The following TMEM131 variants were observed in gnomAD, a reference collection of about 807,000 sequenced individuals.
The protein encoded by TMEM131 is transmembrane protein 131.
In TMEM131, 66 loss-of-function variants were observed where a neutral mutation model predicts 211.6. The observed-to-expected ratio is 0.31, with a 90% CI of 0.26 to 0.38. The LOEUF (loss-of-function observed/expected upper bound fraction) is 0.38. Among genes scored for constraint, TMEM131 ranks in the 10% least tolerant of loss-of-function variants. TMEM131 has a pLI of 1.00. For synonymous variants in TMEM131, 844 were observed against 841.3 expected (o/e 1.00, Z -0.06); for missense variants, 2,036 against 2,299.3 (o/e 0.89, Z 2.34).
intron 38 of TMEM131, chr2:97,760,052 A>G: frequency 2.9e-6 from 1 of 342,108 alleles, no homozygotes; most frequent in Non-Finnish European, 5.5e-6. Flanking sequence ...TTATTTAAAA[A>G]CTATTTCAAA....
chr2:97,783,251 C>T (rs1447820896), intron 31 of TMEM131, among the ~76,000 whole-genome samples: 1 of 152,046 alleles, frequency 6.6e-6, no homozygotes. Flanking sequence ...CAGACATTCT[C>T]AGATGAAACA....
chr2:97,873,078 T>C (rs927150803), intron 4 of TMEM131, among the ~76,000 whole-genome samples: 5 of 152,224 alleles, frequency 3.3e-5, no homozygotes, highest in African/African-American at 9.6e-5. Flanking sequence ...CGTCCGCCAT[T>C]GCTAAGGCTT....
At chr2:97,777,338 T>C (rs1280986656) in intron 31 of TMEM131, among the ~76,000 whole-genome samples, 1 of 152,252 alleles carries the variant, frequency 6.6e-6, no homozygotes, top group Non-Finnish European at 1.5e-5. Context: ...GTTTTAGGCG[T>C]TATCCCAGAG....
At chr2:97,858,632 G>A (rs1673939234) in intron 5 of TMEM131, among the ~76,000 whole-genome samples, 1 of 152,126 alleles carries the variant, frequency 6.6e-6, no homozygotes, top group Non-Finnish European at 1.5e-5. Flanking sequence ...CTCACTGGAG[G>A]CAGAAGAGGA....
intron 40 of TMEM131, among the ~76,000 whole-genome samples, chr2:97,757,998 G>A (rs1255320027): frequency 6.6e-6 from 1 of 152,174 alleles, no homozygotes; most frequent in South Asian, 2.1e-4. Context: ...CGGGTGTGGT[G>A]GTGGGCGCCT....
At chr2:97,905,479 A>G (rs1481887064) in intron 3 of TMEM131, among the ~76,000 whole-genome samples, 2 of 152,086 alleles carry the variant, frequency 1.3e-5, no homozygotes, top group Non-Finnish European at 2.9e-5. Flanking sequence ...CCCTCTCCCA[A>G]TTCCTAGGAA....
chr2:97,991,277 C>A (rs2104682830), intron 1 of TMEM131, among the ~76,000 whole-genome samples: 1 of 152,164 alleles, frequency 6.6e-6, no homozygotes, highest in African/African-American at 2.4e-5. Flanking sequence ...AATTAGGTGT[C>A]AAAATGAATG....
At chr2:97,843,289 T>G (rs1683285013) in intron 6 of TMEM131, among the ~76,000 whole-genome samples, 1 of 152,172 alleles carries the variant, frequency 6.6e-6, no homozygotes, top group Non-Finnish European at 1.5e-5. Context: ...TAGAAGGGCA[T>G]GTATAGTACA....
chr2:97,966,032 T>C (rs1178380559), intron 1 of TMEM131, among the ~76,000 whole-genome samples: 1 of 151,866 alleles, frequency 6.6e-6, no homozygotes, highest in Admixed American at 6.6e-5. Flanking sequence ...AAAGCAATTT[T>C]TTAAAAAAAA....
chr2:97,980,564 T>C lies in TMEM131; in HGVS notation c.187+14912A>G, dbSNP rs528824154. Among the ~76,000 whole-genome samples, 3 of 152,320 alleles carry C rather than the reference T, an allele frequency of 2.0e-5. No homozygotes were observed. The East Asian group carries it at 5.8e-4, about 29-fold the overall frequency. The stretch of plus-strand genomic sequence containing the variant: ...CCATAGGATCCAGACATTCCACTCA[T>C]ATGTACTTACCTGAGAGAAAATAAA... On this transcript the variant is annotated intron_variant, in intron 1 of 40. Coordinates refer to ENST00000186436, the MANE Select transcript of TMEM131 (RefSeq NM_015348.2).
chr2:97,812,484 A>G lies in TMEM131; in HGVS notation c.1800T>C (p.Asn600=), dbSNP rs772490424. Residue 600 remains asparagine, a synonymous_variant, in exon 17 of 41, where the codon AAT becomes AAC. Coordinates refer to ENST00000186436, the MANE Select transcript of TMEM131 (RefSeq NM_015348.2). ...GCAGGCTTGAAATTATTGTAGTTCT[A>G]TTGCCTCTTTCCACAGCTACAAGTT... ...SIELVAVERG[N]RTTIISSLPE... is the part of the protein sequence containing the mutation. 3 of 1,613,158 alleles carry G rather than the reference A, an allele frequency of 1.9e-6. No individual in the cohort carries two copies. Among genetic ancestry groups the G allele is most frequent in the Admixed American group, 3.3e-5 (2 of 59,904 alleles).
rs1005395003 is a variant in TMEM131, at chr2:97,810,181, C to CT, written c.1969-408dup. Among the ~76,000 whole-genome samples, 106 of 151,094 alleles carry CT rather than the reference C, an allele frequency of 7.0e-4. 1 individual carries two copies. Among genetic ancestry groups the CT allele is most frequent in the African/African-American group, 2.1e-3 (87 of 41,232 alleles). On this transcript the variant is annotated intron_variant, in intron 18 of 40. Transcript: ENST00000186436. ...ATCCAGCATATCTAGAGTTATATAG[C>CT]TTTTTTTTTGATACAGAAATAGACA... is the stretch of plus-strand genomic sequence containing the variant.
At chr2:97,793,831 A>G (rs1285473037) in intron 29 of TMEM131, among the ~76,000 whole-genome samples, 3 of 151,468 alleles carry the variant, frequency 2.0e-5, no homozygotes, top group Non-Finnish European at 4.4e-5. Flanking sequence ...CGTCTCTACT[A>G]AAAATACAAA....
At chr2:97,827,422 A>G in intron 11 of TMEM131, 1 of 1,052,516 alleles carries the variant, frequency 9.5e-7, no homozygotes, top group South Asian at 1.3e-5. Context: ...AAGGGGAGCA[A>G]AGGGAAAACA....
intron 2 of TMEM131, among the ~76,000 whole-genome samples, chr2:97,913,510 G>A (rs746432258): frequency 2.0e-5 from 3 of 152,060 alleles, no homozygotes; most frequent in Non-Finnish European, 2.9e-5. Flanking sequence ...CAAATCCTTC[G>A]ATCTGGTCTA....
In TMEM131 at chr2:97,916,195, C is replaced by T. The variant is rs1395580491; in HGVS notation, c.250-7497G>A. Among the ~76,000 whole-genome samples the T allele has an allele frequency of 2.0e-5, 3 of 152,318 alleles. No individual in the cohort carries two copies. The East Asian group carries it at 5.8e-4, about 29-fold the overall frequency. ...CCTCCCAAAGTACTGGGATTATAGG[C>T]GTGGGCCACGGCACCCAGCCTTAAG... On this transcript the variant is annotated intron_variant, in intron 2 of 40. Transcript: ENST00000186436.
intron 15 of TMEM131, 83 bp downstream of exon 15, chr2:97,813,885 CGTA>C: frequency 9.3e-7 from 1 of 1,079,104 alleles, no homozygotes; most frequent in Non-Finnish European, 1.3e-6. Context: ...AATGGCAAAC[CGTA>C]TGTAACACGA....
intron 25 of TMEM131, among the ~76,000 whole-genome samples, chr2:97,800,041 GTTTA>G (rs779711543): frequency 3.9e-5 from 6 of 152,060 alleles, no homozygotes; most frequent in African/African-American, 7.2e-5. Flanking sequence ...AATGGAATAG[GTTTA>G]TTATTATTTT....
intron 33 of TMEM131, 32 bp downstream of exon 33, chr2:97,772,265 A>G: frequency 6.3e-7 from 1 of 1,578,974 alleles, no homozygotes; most frequent in Non-Finnish European, 8.5e-7. Flanking sequence ...TTCTTTATAG[A>G]CCTTATTTCT....
Sources: gnomAD v4.1 joint callset for allele counts (sites outside exome capture counted in the v4.1 genomes callset) on GRCh38, gnomAD v4.1.1 for gene constraint, MANE v1.5 for transcripts, NCBI Gene and HGNC (gene_info 2026-07-23, HGNC 2026-07-21) for gene names.